The following REEP3 variants were observed in gnomAD, a reference collection of about 807,000 sequenced individuals.
The protein encoded by REEP3 is receptor accessory protein 3.
A neutral mutation model predicts 41.3 loss-of-function variants in REEP3; 20 were observed. The observed-to-expected ratio is 0.48, with a 90% confidence interval of 0.34 to 0.70. The LOEUF is 0.70. Among genes scored for constraint, REEP3 ranks in the 30% least tolerant of loss-of-function variants. REEP3 has a pLI of 0.01. For missense variants in REEP3, 271 were observed against 308.8 expected, an observed-to-expected ratio of 0.88 and a Z score of 0.92; for synonymous variants, 104 against 101.8, an observed-to-expected ratio of 1.02 and a Z score of -0.13.
intron 2 of REEP3, among the ~76,000 whole-genome samples, chr10:63,580,991 G>A (rs1419260362): frequency 6.6e-6 from 1 of 152,128 alleles, no homozygotes; most frequent in Non-Finnish European, 1.5e-5. Context: ...CAGCCTGGGG[G>A]ACAGAGTGAG....
chr10:63,568,497 A>G (rs4237280), intron 2 of REEP3, among the ~76,000 whole-genome samples: 149,723 of 151,998 alleles, frequency 0.99, 73,777 homozygotes, highest in Middle Eastern at 1. Flanking sequence ...TCGATCTCCC[A>G]ACCTCGTGAT....
chr10:63,521,774 C>G, intron 1 of REEP3, 197 bp downstream of exon 1: 3 of 344,448 alleles, frequency 8.7e-6, no homozygotes, highest in Admixed American at 9.7e-5. Flanking sequence ...CTGCGACGGC[C>G]GAGGGCCTAG....
At chr10:63,541,205 G>A (rs747554514) in intron 1 of REEP3, among the ~76,000 whole-genome samples, 4 of 151,980 alleles carry the variant, frequency 2.6e-5, no homozygotes, top group African/African-American at 9.7e-5. Context: ...TTATTTTATA[G>A]TCTCAATTTT....
chr10:63,592,923 G>T (rs1193506061), intron 2 of REEP3, among the ~76,000 whole-genome samples: 1 of 151,978 alleles, frequency 6.6e-6, no homozygotes, highest in Non-Finnish European at 1.5e-5. Context: ...AAAACCTTAT[G>T]AATACAGCTG....
chr10:63,604,071 T>A (rs1468582602), intron 5 of REEP3, among the ~76,000 whole-genome samples: 1 of 152,248 alleles, frequency 6.6e-6, no homozygotes, highest in Non-Finnish European at 1.5e-5. Flanking sequence ...ATTCTTGGAC[T>A]CTTGGTGTGA....
At chr10:63,586,371 A>G (rs745579680) in intron 2 of REEP3, among the ~76,000 whole-genome samples, 1 of 152,260 alleles carries the variant, frequency 6.6e-6, no homozygotes. Context: ...TATATCGCAG[A>G]TGACTCCATA....
chr10:63,558,435 G>A (rs1955710385), intron 1 of REEP3, among the ~76,000 whole-genome samples: 1 of 152,132 alleles, frequency 6.6e-6, no homozygotes, highest in Non-Finnish European at 1.5e-5. Context: ...AAATTTCATG[G>A]GTTTTAGATG....
chr10:63,574,286 T>C (rs1955878461), intron 2 of REEP3, among the ~76,000 whole-genome samples: 1 of 152,204 alleles, frequency 6.6e-6, no homozygotes. Context: ...CCAGAATCAT[T>C]GCAGTATAAT....
chr10:63,566,345 T>G lies in REEP3; in HGVS notation c.40T>G (p.Phe14Val). Residue 14 changes from phenylalanine (F) to valine (V), a missense_variant, in exon 2 of 8, where the codon TTT becomes GTT. By Grantham distance (50) the Phe-to-Val change is conservative (BLOSUM62 -1). Transcript: ENST00000373758. ...CATTTTTTTTACTTTTAGGCTGGTG[T>G]TTGGAATGCTTTATCCTGCATATTA... is the stretch of plus-strand genomic sequence containing the variant. ...WMISRAVVLV[F>V]GMLYPAYYSY... The G allele has an allele frequency of 6.5e-7, 1 of 1,545,800 alleles. No individual in the cohort carries two copies. Among genetic ancestry groups the G allele is most frequent in the Non-Finnish European group, 8.8e-7 (1 of 1,140,058 alleles).
intron 2 of REEP3, among the ~76,000 whole-genome samples, chr10:63,572,303 G>T (rs1269354504): frequency 8.3e-6 from 1 of 120,664 alleles, no homozygotes; most frequent in Admixed American, 7.8e-5. Flanking sequence ...AATTTAAACC[G>T]ACTTTTTTTT....
At chr10:63,560,005 G>C (rs1025777385) in intron 1 of REEP3, among the ~76,000 whole-genome samples, 2 of 151,936 alleles carry the variant, frequency 1.3e-5, no homozygotes, top group African/African-American at 4.8e-5. Flanking sequence ...ATGCTCTAAG[G>C]TGTTAATTAT....
intron 1 of REEP3, among the ~76,000 whole-genome samples, chr10:63,564,500 G>C (rs1374246896): frequency 6.6e-6 from 1 of 152,014 alleles, no homozygotes; most frequent in Non-Finnish European, 1.5e-5. Context: ...GCACATGCCT[G>C]TAATCCCAGG....
chr10:63,556,796 C>T (rs1955691218), intron 1 of REEP3, among the ~76,000 whole-genome samples: 1 of 149,940 alleles, frequency 6.7e-6, no homozygotes, highest in East Asian at 2.0e-4. Context: ...CCACTACGCC[C>T]GGCTAATTTT....
intron 1 of REEP3, among the ~76,000 whole-genome samples, chr10:63,558,942 C>T (rs1242632949): frequency 6.6e-6 from 1 of 151,898 alleles, no homozygotes; most frequent in East Asian, 1.9e-4. Context: ...TTTTAGTTTA[C>T]CTCTAGTCTC....
intron 1 of REEP3, among the ~76,000 whole-genome samples, chr10:63,533,710 C>CTTTTTTTTTTTTTT (rs71025187): frequency 1.4e-4 from 14 of 101,064 alleles, no homozygotes; most frequent in Non-Finnish European, 2.4e-4. Flanking sequence ...GTATGTAAAT[C>CTTTTTTTTTTTTTT]TTTTTTTTTT....
intron 2 of REEP3, among the ~76,000 whole-genome samples, chr10:63,583,534 C>T (rs967145333): frequency 1.4e-4 from 22 of 152,066 alleles, no homozygotes; most frequent in African/African-American, 4.6e-4. Flanking sequence ...TTTGGTGGCT[C>T]GGTTAATGTC....
chr10:63,522,019 C>T (rs1330688857), intron 1 of REEP3, among the ~76,000 whole-genome samples: 6 of 151,978 alleles, frequency 3.9e-5, no homozygotes, highest in African/African-American at 1.2e-4. Context: ...CGGGAGGCTC[C>T]GCGATCCTCC....
At chr10:63,610,083 T>C (rs1956265999) in intron 5 of REEP3, 104 bp from the exon 6 acceptor site, 12 of 1,012,984 alleles carry the variant, frequency 1.2e-5, no homozygotes, top group Non-Finnish European at 1.7e-5. Context: ...CATTGTACAA[T>C]TCTTTCAGCT....
At chr10:63,538,065 A>G (rs908989753) in intron 1 of REEP3, among the ~76,000 whole-genome samples, 16 of 151,576 alleles carry the variant, frequency 1.1e-4, no homozygotes, top group African/African-American at 3.9e-4. Context: ...AAAAATGTGT[A>G]AATTAATGTG....
Sources: gnomAD v4.1 joint callset for allele counts (sites outside exome capture counted in the v4.1 genomes callset) on GRCh38, gnomAD v4.1.1 for gene constraint, MANE v1.5 for transcripts, NCBI Gene and HGNC (gene_info 2026-07-23, HGNC 2026-07-21) for gene names.